Variants in ADGRG2 observed in about 807,000 individuals in gnomAD.
ADGRG2 encodes G protein-coupled receptor 64.
ADGRG2 carries 26 observed loss-of-function variants against 74.1 expected under a neutral mutation model. The observed-to-expected ratio is 0.35, with a 90% CI of 0.26 to 0.49. The LOEUF (loss-of-function observed/expected upper bound fraction) is 0.49. Among genes scored for constraint, ADGRG2 ranks in the 20% least tolerant of loss-of-function variants. The pLI is 0.99. For synonymous variants in ADGRG2, 296 were observed against 295.2 expected (o/e 1.00, Z -0.03); for missense variants, 619 against 763.1 (o/e 0.81, Z 2.22).
rs1471584727 is a variant in ADGRG2, at chrX:18,990,554, C to T, written c.*310G>A. On this transcript the variant is annotated 3_prime_UTR_variant, in exon 29 of 29. Coordinates refer to ENST00000379869, the MANE Select transcript of ADGRG2 (RefSeq NM_001079858.3). ...GATGTTATCAAAGATAACTTAGCCT[C>T]TTTAAAAGGTAGCTGAAAGTTCACT... The T allele has an allele frequency of 1.3e-5, 2 of 154,650 alleles. No individual in the cohort carries two copies. 12.7% of individuals were successfully genotyped at this position (154,650 alleles called of 1,213,427 possible). A position where few individuals can be genotyped will look rare whatever the true frequency, so the allele number is the denominator to read the frequency against.
At chrX:19,060,345 G>GA (rs920834492) in intron 3 of ADGRG2, among the ~76,000 whole-genome samples, 2 of 110,830 alleles carry the variant, frequency 1.8e-5, no homozygotes, top group Non-Finnish European at 3.8e-5. Context: ...AATGTAGTTC[G>GA]AAAAAATGTG....
At chrX:19,075,617 C>CAAAAAAAAAAAAA (rs61690480) in intron 2 of ADGRG2, among the ~76,000 whole-genome samples, 5 of 39,455 alleles carry the variant, frequency 1.3e-4, no homozygotes, top group Non-Finnish European at 2.0e-4. Context: ...GACTTCGCCT[C>CAAAAAAAAAAAAA]AAAAAAAAAA....
intron 1 of ADGRG2, among the ~76,000 whole-genome samples, chrX:19,109,277 G>A (rs140244920): frequency 0.013 from 1,465 of 111,260 alleles, 12 homozygotes; most frequent in Non-Finnish European, 0.021. Context: ...CTGGGTCAAG[G>A]GTGATGGTTT....
intron 2 of ADGRG2, among the ~76,000 whole-genome samples, chrX:19,070,587 G>C (rs1397900630): frequency 8.9e-6 from 1 of 112,162 alleles, no homozygotes; most frequent in Admixed American, 9.4e-5. Context: ...GCACAAGCAA[G>C]GGGGTGGCGA....
chrX:19,083,941 C>T (rs2061895622), intron 1 of ADGRG2, among the ~76,000 whole-genome samples: 1 of 112,241 alleles, frequency 8.9e-6, no homozygotes, highest in African/African-American at 3.2e-5. Context: ...GCCCAGCAAT[C>T]CCATTACTGG....
At chrX:19,080,301 TG>T (rs1346210334) in intron 2 of ADGRG2, among the ~76,000 whole-genome samples, 2 of 111,508 alleles carry the variant, frequency 1.8e-5, no homozygotes, top group Non-Finnish European at 3.8e-5. Context: ...ATTAGCCATG[TG>T]TGAATTATCC....
intron 1 of ADGRG2, among the ~76,000 whole-genome samples, chrX:19,118,752 A>G (rs971189430): frequency 1.8e-5 from 2 of 112,070 alleles, no homozygotes; most frequent in Non-Finnish European, 3.8e-5. Flanking sequence ...TGAGTGAAAT[A>G]AAAGTTTACA....
intron 1 of ADGRG2, among the ~76,000 whole-genome samples, chrX:19,100,250 G>T (rs5955692): frequency 0.11 from 12,803 of 112,336 alleles, 977 homozygotes; most frequent in African/African-American, 0.27. Context: ...AGTTATCATA[G>T]GTAAAAATCT....
At chrX:19,074,227 T>C (rs1273824735) in intron 2 of ADGRG2, among the ~76,000 whole-genome samples, 2 of 110,333 alleles carry the variant, frequency 1.8e-5, no homozygotes, top group Admixed American at 9.6e-5. Flanking sequence ...GCTAAAAGCA[T>C]TTTCTTATTA....
intron 1 of ADGRG2, among the ~76,000 whole-genome samples, chrX:19,090,884 T>C (rs1031600465): frequency 2.7e-5 from 3 of 110,982 alleles, no homozygotes; most frequent in South Asian, 3.9e-4. Context: ...AGAAGTGCGA[T>C]ATTGCGATTA....
At chrX:19,068,078 G>A (rs1293797410) in intron 3 of ADGRG2, among the ~76,000 whole-genome samples, 1 of 112,134 alleles carries the variant, frequency 8.9e-6, no homozygotes, top group African/African-American at 3.2e-5. Flanking sequence ...TTCTCAAGAT[G>A]TTCAACACAG....
chrX:18,994,564 C>T (rs773931897), intron 28 of ADGRG2, among the ~76,000 whole-genome samples: 1 of 111,719 alleles, frequency 9.0e-6, no homozygotes, highest in Non-Finnish European at 1.9e-5. Flanking sequence ...GTCTTATCAG[C>T]TATTTTAGGT....
chrX:19,031,589 C>T (rs2060826935), intron 8 of ADGRG2: 1 of 112,388 alleles, frequency 8.9e-6, no homozygotes, highest in Non-Finnish European at 1.9e-5. Context: ...ATAGATCCTG[C>T]CCTCAAGGAG....
At chrX:19,108,251 G>A (rs951741485) in intron 1 of ADGRG2, among the ~76,000 whole-genome samples, 9 of 110,431 alleles carry the variant, frequency 8.1e-5, no homozygotes, top group African/African-American at 3.0e-4. Flanking sequence ...CAGGTTGCTT[G>A]AGGAGTTCAA....
At chrX:19,050,666 T>C (rs1602000611) in intron 3 of ADGRG2, among the ~76,000 whole-genome samples, 1 of 111,260 alleles carries the variant, frequency 9.0e-6, no homozygotes, top group African/African-American at 3.3e-5. Flanking sequence ...GGTAGGAGGA[T>C]CACTTGAGGC....
At chrX:19,078,477 A>T (rs139777906) in intron 2 of ADGRG2, among the ~76,000 whole-genome samples, 67 of 111,259 alleles carry the variant, frequency 6.0e-4, no homozygotes, top group African/African-American at 2.2e-3. Context: ...GGATCGCTTG[A>T]GGCAAGGAGG....
chrX:19,001,471 G>A (rs993291286), intron 24 of ADGRG2, among the ~76,000 whole-genome samples: 6 of 111,506 alleles, frequency 5.4e-5, no homozygotes. Flanking sequence ...ATGCCTTTGC[G>A]CTTGTACCTT....
chrX:19,083,720 T>C (rs766000893), intron 1 of ADGRG2, among the ~76,000 whole-genome samples: 42 of 112,351 alleles, frequency 3.7e-4, no homozygotes, highest in Middle Eastern at 9.4e-3. Flanking sequence ...CTGACTTGTA[T>C]CTTTTAGAAT....
chrX:18,997,405 A>G (rs190739274), intron 26 of ADGRG2, among the ~76,000 whole-genome samples: 6 of 112,529 alleles, frequency 5.3e-5, no homozygotes, highest in South Asian at 7.3e-4. Flanking sequence ...CAGTTTCCAC[A>G]TTAAACATGT....
Sources: allele counts gnomAD v4.1 joint callset (sites outside exome capture counted in the v4.1 genomes callset), GRCh38; gene constraint gnomAD v4.1.1; transcripts MANE v1.5; gene names NCBI Gene and HGNC (gene_info 2026-07-23, HGNC 2026-07-21).